YAE1: variants seen among roughly 807,000 people sequenced by gnomAD.
The protein encoded by YAE1 is YAE1 maturation factor of ABCE1, also known as protein YAE1 homolog.
Under a neutral mutation model 23.0 loss-of-function variants are expected in YAE1, and 22 were observed. The ratio of observed to expected loss-of-function variants is 0.96; its 90% CI spans 0.68 to 1.37. The LOEUF is 1.37. YAE1 is among the 40% of genes most tolerant of loss of function. The pLI, the probability that YAE1 is intolerant of heterozygous loss-of-function variation, is 0.00. For synonymous variants in YAE1, 101 were observed against 97.0 expected, an observed-to-expected ratio of 1.04 and a Z score of -0.24; for missense variants, 260 against 262.1, an observed-to-expected ratio of 0.99 and a Z score of 0.06.
intron 2 of YAE1, among the ~76,000 whole-genome samples, chr7:39,604,493 T>C (rs1018438475): frequency 1.3e-5 from 2 of 152,196 alleles, no homozygotes; most frequent in African/African-American, 4.8e-5. Flanking sequence ...CCACTGATAT[T>C]TGAGTCTCAA....
downstream of YAE1, among the ~76,000 whole-genome samples, chr7:39,611,814 A>AT (rs1791223581): frequency 6.6e-6 from 1 of 152,190 alleles, no homozygotes; most frequent in Non-Finnish European, 1.5e-5. Flanking sequence ...TTTTATTTGA[A>AT]TATAGAATAT....
chr7:39,584,492 A>G (rs2115805883), intron 2 of YAE1, among the ~76,000 whole-genome samples: 1 of 151,250 alleles, frequency 6.6e-6, no homozygotes, highest in African/African-American at 2.5e-5. Context: ...TATATTTTAA[A>G]TGTAAACACA....
intron 2 of YAE1, among the ~76,000 whole-genome samples, chr7:39,582,199 TTTG>T (rs1251622578): frequency 1.3e-5 from 2 of 151,998 alleles, no homozygotes; most frequent in Non-Finnish European, 1.5e-5. Flanking sequence ...TGTTGTCATT[TTTG>T]TTGTTGTCAT....
At chr7:39,571,774 C>G (rs1790570967) in intron 2 of YAE1, among the ~76,000 whole-genome samples, 1 of 152,302 alleles carries the variant, frequency 6.6e-6, no homozygotes, top group African/African-American at 2.4e-5. Context: ...AGTTTCTACT[C>G]TGTGACATAA....
At chr7:39,594,887 T>C (rs1790953928) in intron 2 of YAE1, among the ~76,000 whole-genome samples, 1 of 152,200 alleles carries the variant, frequency 6.6e-6, no homozygotes, top group African/African-American at 2.4e-5. Context: ...TCAGCCACCG[T>C]GCCCAGCCAG....
chr7:39,600,751 C>A (rs1488599084), intron 2 of YAE1, among the ~76,000 whole-genome samples: 1 of 152,196 alleles, frequency 6.6e-6, no homozygotes, highest in South Asian at 2.1e-4. Context: ...CTAGGGAGAA[C>A]GCCACGTGAA....
Position 39,572,607 on chromosome 7 carries a change from A to G in YAE1, c.582A>G (p.Ser194=), listed in dbSNP as rs764406337. Residue 194 remains serine, a synonymous_variant, in exon 3 of 3, where the codon TCA becomes TCG. Transcript: ENST00000223273. ...ECCRTQEHAH[S]ENPSPTWILE... ...GTAGAACACAGGAGCATGCACATTCAGAAAACCCAAGCCCCACATGGATTT... is the reference window on the plus strand; with the variant it reads ...GTAGAACACAGGAGCATGCACATTCGGAAAACCCAAGCCCCACATGGATTT... 1.5e-5 allele frequency: 24 copies of G among 1,614,136 alleles called. No individual in the cohort carries two copies. Among genetic ancestry groups the G allele is most frequent in the East Asian group, 8.9e-5 (4 of 44,872 alleles).
At chr7:39,603,927 G>A (rs1791091051) in intron 2 of YAE1, among the ~76,000 whole-genome samples, 1 of 152,162 alleles carries the variant, frequency 6.6e-6, no homozygotes, top group African/African-American at 2.4e-5. Context: ...TGTGAGATGA[G>A]GGTTAACTCA....
At position 39,572,264 on chromosome 7, in the gene YAE1, T is replaced by G. The variant is rs760610472; in HGVS notation, c.252-13T>G. On this transcript the variant is annotated splice_polypyrimidine_tract_variant and intron_variant, in intron 2 of 2. Transcript: ENST00000223273. ...TATTTTGCTATTTAACCCTTGTTTA[T>G]ACTTTTGTTCAGTGCTTTGCTCTCC... The G allele has an allele frequency of 6.3e-7, 1 of 1,586,164 alleles. No individual in the cohort carries two copies.
At chr7:39,600,422 G>T (rs1791038975) in intron 2 of YAE1, among the ~76,000 whole-genome samples, 1 of 151,744 alleles carries the variant, frequency 6.6e-6, no homozygotes, top group African/African-American at 2.4e-5. Context: ...TTTTGGGATG[G>T]AGTCTCCCTC....
chr7:39,576,560 T>C (rs1332883454), downstream of YAE1, among the ~76,000 whole-genome samples: 2 of 152,216 alleles, frequency 1.3e-5, no homozygotes, highest in Non-Finnish European at 2.9e-5. Flanking sequence ...CATTGCTGAC[T>C]CTTCTGCCTA....
intron 1 of YAE1, among the ~76,000 whole-genome samples, chr7:39,568,207 C>T (rs1368699420): frequency 6.6e-6 from 1 of 151,770 alleles, no homozygotes; most frequent in African/African-American, 2.4e-5. Context: ...CACTGCACTC[C>T]AGCCTGGGTG....
intron 1 of YAE1, chr7:39,569,999 T>G: frequency 2.9e-6 from 4 of 1,356,644 alleles, no homozygotes; most frequent in Non-Finnish European, 4.2e-6. Context: ...AGCAAAACTT[T>G]CCCATTCCGG....
chr7:39,602,029 G>A (rs1755064933), intron 2 of YAE1, among the ~76,000 whole-genome samples: 1 of 152,162 alleles, frequency 6.6e-6, no homozygotes, highest in Non-Finnish European at 1.5e-5. Context: ...GATTAAGAGA[G>A]CAGATTACTT....
chr7:39,569,602 T>C, intron 1 of YAE1: 1 of 593,004 alleles, frequency 1.7e-6, no homozygotes, highest in Non-Finnish European at 3.3e-6. Context: ...GCCACAAATA[T>C]CATACAGAGT....
At chr7:39,570,689 G>C in intron 2 of YAE1, 62 bp downstream of exon 2, 1 of 1,524,374 alleles carries the variant, frequency 6.6e-7, no homozygotes, top group Non-Finnish European at 8.7e-7. Flanking sequence ...GGATGTTTCT[G>C]TATAAATAAA....
intron 2 of YAE1, among the ~76,000 whole-genome samples, chr7:39,595,563 A>G (rs17770744): frequency 0.053 from 8,078 of 152,312 alleles, 295 homozygotes; most frequent in East Asian, 0.12. Flanking sequence ...TTAAAAAACA[A>G]TTTTATTAAG....
At chr7:39,580,555 C>T (rs1160397649) in intron 2 of YAE1, among the ~76,000 whole-genome samples, 1 of 152,152 alleles carries the variant, frequency 6.6e-6, no homozygotes, top group Non-Finnish European at 1.5e-5. Flanking sequence ...CCTTTGGATC[C>T]TCTTTCTTTC....
At chr7:39,611,456 G>A (rs993904877), downstream of YAE1, among the ~76,000 whole-genome samples, 7 of 152,224 alleles carry the variant, frequency 4.6e-5, no homozygotes, top group Admixed American at 2.0e-4. Flanking sequence ...AGGTAGGTGA[G>A]TGCTGGGCCG....
Sources: allele counts gnomAD v4.1 joint callset (sites outside exome capture counted in the v4.1 genomes callset), GRCh38; gene constraint gnomAD v4.1.1; transcripts MANE v1.5; gene names NCBI Gene and HGNC (gene_info 2026-07-23, HGNC 2026-07-21).